GRM7: variants seen among roughly 807,000 people sequenced by gnomAD.
GRM7 encodes the protein glutamate metabotropic receptor 7.
A neutral mutation model predicts 84.5 loss-of-function variants in GRM7; 35 were observed. The ratio of observed to expected loss-of-function variants is 0.41; its 90% CI spans 0.32 to 0.55. The LOEUF (loss-of-function observed/expected upper bound fraction) is 0.55, where lower values mean the gene tolerates loss of function less well. Among genes scored for constraint, GRM7 ranks in the 20% least tolerant of loss-of-function variants. GRM7 has a pLI of 0.19. For synonymous variants in GRM7, 487 were observed against 455.1 expected (o/e 1.07, Z -0.89); for missense variants, 1,003 against 1,194.6 (o/e 0.84, Z 2.36).
At chr3:7,024,905 C>T (rs1014844063) in intron 1 of GRM7, among the ~76,000 whole-genome samples, 10 of 152,168 alleles carry the variant, frequency 6.6e-5, no homozygotes, top group South Asian at 2.1e-4. Context: ...TGGCTTAAAA[C>T]GATGTAAATG....
intron 4 of GRM7, among the ~76,000 whole-genome samples, chr3:7,374,523 G>C (rs1406653729): frequency 6.6e-6 from 1 of 151,926 alleles, no homozygotes; most frequent in East Asian, 1.9e-4. Context: ...TTGTTGCCCA[G>C]GCTGGAGTGC....
chr3:7,150,387 C>T lies in GRM7; in HGVS notation c.736+3719C>T, dbSNP rs750121271. Among the ~76,000 whole-genome samples the T allele has an allele frequency of 1.1e-4, 16 of 152,192 alleles. No homozygotes were observed. The South Asian group carries it at 1.5e-3, about 14-fold the overall frequency. ...GCCTCTTCATTATTTACTGATAGAACGAACCAAGACAATGATGTCAGAGAA... is the reference window on the plus strand; with the variant it reads ...GCCTCTTCATTATTTACTGATAGAATGAACCAAGACAATGATGTCAGAGAA... On this transcript the variant is annotated intron_variant, in intron 2 of 9. Transcript: ENST00000357716.
At chr3:7,738,752 C>A (rs1186374302) in intron 9 of GRM7, among the ~76,000 whole-genome samples, 1 of 146,058 alleles carries the variant, frequency 6.8e-6, no homozygotes, top group Non-Finnish European at 1.5e-5. Flanking sequence ...CTTCTTTTGT[C>A]CTGAGGATAA....
chr3:7,004,776 A>G (rs1319987760), intron 1 of GRM7, among the ~76,000 whole-genome samples: 1 of 152,206 alleles, frequency 6.6e-6, no homozygotes, highest in African/African-American at 2.4e-5. Flanking sequence ...GTGTTTCAAA[A>G]TAATAATGAA....
intron 8 of GRM7, among the ~76,000 whole-genome samples, chr3:7,642,378 T>C (rs1410117621): frequency 6.6e-6 from 1 of 152,120 alleles, no homozygotes; most frequent in Non-Finnish European, 1.5e-5. Context: ...GACATGCATA[T>C]CGTGCACTCT....
In GRM7 at chr3:7,124,064, T is replaced by TA. The variant is rs59774505; in HGVS notation, c.520-22387dup. Among the ~76,000 whole-genome samples the TA allele has an allele frequency of 4.9e-3, 750 of 152,270 alleles. 6 individuals carry two copies. Among genetic ancestry groups the TA allele is most frequent in the African/African-American group, 0.017 (723 of 41,556 alleles). ...CTTTCTTCCCTTTCTTCACATTCCT[T>TA]ACCTTGCTTAGACTTTGGTGTGATC... On this transcript the variant is annotated intron_variant, in intron 1 of 9. Coordinates refer to ENST00000357716, the MANE Select transcript of GRM7 (RefSeq NM_000844.4).
chr3:7,343,275 C>T (rs572262731), intron 4 of GRM7, among the ~76,000 whole-genome samples: 3 of 151,950 alleles, frequency 2.0e-5, no homozygotes, highest in African/African-American at 7.3e-5. Context: ...ACTCTGTTGC[C>T]CAGACTGGAG....
intron 7 of GRM7, among the ~76,000 whole-genome samples, chr3:7,482,346 A>G (rs1254849837): frequency 6.6e-6 from 1 of 152,206 alleles, no homozygotes; most frequent in African/African-American, 2.4e-5. Context: ...GATTGCTTCC[A>G]AATAAACTGA....
intron 1 of GRM7, among the ~76,000 whole-genome samples, chr3:7,142,676 C>T (rs967904978): frequency 6.6e-6 from 1 of 152,002 alleles, no homozygotes; most frequent in Non-Finnish European, 1.5e-5. Flanking sequence ...CTGTGCATAA[C>T]CAAATATACA....
chr3:7,282,549 C>T (rs1699290888), intron 2 of GRM7, among the ~76,000 whole-genome samples: 1 of 152,162 alleles, frequency 6.6e-6, no homozygotes, highest in Admixed American at 6.5e-5. Context: ...TGATTAGCAA[C>T]CTTAATTTCA....
chr3:7,002,742 T>C (rs146825118), intron 1 of GRM7, among the ~76,000 whole-genome samples: 183 of 152,300 alleles, frequency 1.2e-3, no homozygotes, highest in African/African-American at 4.0e-3. Flanking sequence ...TCTGGGTGTA[T>C]ATCCAGAGGA....
rs563069953 is a variant in GRM7, at chr3:7,439,020, A to G, written c.1175-13587A>G. Among the ~76,000 whole-genome samples the G allele has an allele frequency of 1.5e-4, 23 of 152,324 alleles. No individual in the cohort carries two copies. The South Asian group carries it at 4.6e-3, about 30-fold the overall frequency. On this transcript the variant is annotated intron_variant, in intron 5 of 9. Transcript: ENST00000357716. ...GTCTATATCGCAGATACAAAGCATAAGTTCATCAGTGGTTGATAGTTAATG... is the reference window on the plus strand; with the variant it reads ...GTCTATATCGCAGATACAAAGCATAGGTTCATCAGTGGTTGATAGTTAATG...
intron 5 of GRM7, among the ~76,000 whole-genome samples, chr3:7,429,399 T>C (rs1014540371): frequency 6.6e-6 from 1 of 152,228 alleles, no homozygotes; most frequent in African/African-American, 2.4e-5. Context: ...GAAAGCACTC[T>C]ACTAATTTAT....
chr3:7,380,750 G>A (rs1694556662), intron 4 of GRM7, among the ~76,000 whole-genome samples: 1 of 152,180 alleles, frequency 6.6e-6, no homozygotes, highest in Non-Finnish European at 1.5e-5. Context: ...CTCAAGGAAT[G>A]TGTCCTCTGC....
chr3:7,668,439 ACTCT>A (rs1403608529), intron 8 of GRM7, among the ~76,000 whole-genome samples: 1 of 151,534 alleles, frequency 6.6e-6, no homozygotes, highest in African/African-American at 2.4e-5. Context: ...GAGATACACT[ACTCT>A]CTCTCCTCCT....
rs965450378 is a variant in GRM7, at chr3:7,532,582, C to G, written c.1516-45840C>G. Among the ~76,000 whole-genome samples the G allele has an allele frequency of 8.5e-5, 13 of 152,096 alleles. No homozygotes were observed. In the East Asian group the frequency reaches 2.5e-3, roughly 29 times the overall value. On this transcript the variant is annotated intron_variant, in intron 7 of 9. Transcript: ENST00000357716. ...TTTTCAAAAAACCAGTTCCTGGGCT[C>G]ATTGATTTTTTAAAGGGATTTTTGT...
intron 8 of GRM7, among the ~76,000 whole-genome samples, chr3:7,632,183 T>C (rs1053322759): frequency 9.9e-5 from 15 of 151,746 alleles, no homozygotes; most frequent in Non-Finnish European, 2.9e-5. Context: ...TGATAGGGAG[T>C]GTGGATTTTA....
intron 5 of GRM7, among the ~76,000 whole-genome samples, chr3:7,436,306 G>C (rs1697055094): frequency 6.6e-6 from 1 of 151,686 alleles, no homozygotes; most frequent in African/African-American, 2.4e-5. Context: ...TTAAGAACAG[G>C]CTTAGATTAG....
At chr3:7,022,923 C>T (rs894574641) in intron 1 of GRM7, among the ~76,000 whole-genome samples, 5 of 152,028 alleles carry the variant, frequency 3.3e-5, no homozygotes, top group African/African-American at 1.2e-4. Context: ...AGTAATTATC[C>T]AATAACCCAG....
Sources: gnomAD v4.1 joint callset for allele counts (sites outside exome capture counted in the v4.1 genomes callset) on GRCh38, gnomAD v4.1.1 for gene constraint, MANE v1.5 for transcripts, NCBI Gene and HGNC (gene_info 2026-07-23, HGNC 2026-07-21) for gene names.